PALD1: variants seen among roughly 807,000 people sequenced by gnomAD.
PALD1 encodes the protein paladin.
In PALD1, 57 loss-of-function variants were observed where a neutral mutation model predicts 96.0. The ratio of observed to expected loss-of-function variants is 0.59; its 90% confidence interval spans 0.48 to 0.74. The LOEUF (loss-of-function observed/expected upper bound fraction) is 0.74. PALD1 is among the 30% of genes least tolerant of loss of function. The pLI, the probability that PALD1 is intolerant of heterozygous loss-of-function variation, is 0.00. For missense variants in PALD1, 1,063 were observed against 1,143.7 expected, an observed-to-expected ratio of 0.93 and a Z score of 1.02; for synonymous variants, 464 against 473.6, an observed-to-expected ratio of 0.98 and a Z score of 0.26.
At chr10:70,493,322 A>G (rs1846129823) in intron 1 of PALD1, among the ~76,000 whole-genome samples, 1 of 152,202 alleles carries the variant, frequency 6.6e-6, no homozygotes, top group South Asian at 2.1e-4. Context: ...TTACTGTAGA[A>G]CTGTTCCTTA....
the PALD1 span, among the ~76,000 whole-genome samples, chr10:70,465,266 A>C: frequency 1.1e-4 from 16 of 151,908 alleles, no homozygotes; most frequent in African/African-American, 3.9e-4. Flanking sequence ...GAGCCACCGC[A>C]CCCGGCCTCT....
chr10:70,474,377 A>G (rs1015001535), upstream of PALD1, among the ~76,000 whole-genome samples: 64 of 152,104 alleles, frequency 4.2e-4, no homozygotes, highest in African/African-American at 1.5e-3. Context: ...ACTGGCCAAC[A>G]TGGTTAAACC....
At position 70,557,467 on chromosome 10, in the gene PALD1, C is replaced by T. The variant is rs568701487; in HGVS notation, c.2263-6897C>T. On this transcript the variant is annotated intron_variant, in intron 18 of 19. Transcript: ENST00000263563. ...TCACAGCATGCAGAGTGGCCCACGG[C>T]ACCAGGTCAAGTCCCTTCACACTTT... Among the ~76,000 whole-genome samples, 4 of 152,342 alleles carry T rather than the reference C, an allele frequency of 2.6e-5. No individual in the cohort carries two copies. In the South Asian group the frequency reaches 6.2e-4, roughly 24 times the overall value.
At chr10:70,496,527 G>GT (rs1381270964) in intron 1 of PALD1, among the ~76,000 whole-genome samples, 1 of 152,196 alleles carries the variant, frequency 6.6e-6, no homozygotes, top group East Asian at 1.9e-4. Flanking sequence ...AGTATGAGCT[G>GT]TTTTTATCTG....
At chr10:70,554,129 T>A (rs1847541615) in intron 18 of PALD1, among the ~76,000 whole-genome samples, 1 of 152,174 alleles carries the variant, frequency 6.6e-6, no homozygotes, top group Admixed American at 6.5e-5. Context: ...GCTTGGGGCA[T>A]TTTAAGAACT....
At chr10:70,521,883 C>A (rs1846743754) in intron 1 of PALD1, among the ~76,000 whole-genome samples, 1 of 151,746 alleles carries the variant, frequency 6.6e-6, no homozygotes, top group Non-Finnish European at 1.5e-5. Context: ...CCCATGGACT[C>A]CTTCTCAGAA....
At chr10:70,497,823 C>T (rs895756214) in intron 1 of PALD1, among the ~76,000 whole-genome samples, 1 of 152,290 alleles carries the variant, frequency 6.6e-6, no homozygotes, top group Non-Finnish European at 1.5e-5. Context: ...GATCTGCCCG[C>T]CTTGGCCTCC....
chr10:70,493,289 T>G (rs1238542731), intron 1 of PALD1, among the ~76,000 whole-genome samples: 1 of 152,244 alleles, frequency 6.6e-6, no homozygotes, highest in Non-Finnish European at 1.5e-5. Flanking sequence ...ATAGCCTGTT[T>G]CTGGCACATA....
chr10:70,539,527 C>G lies in PALD1; in HGVS notation c.1726-53C>G. On this transcript the variant is annotated intron_variant, in intron 14 of 19. Transcript: ENST00000263563. The surrounding 1 kb of genome is among the most constrained non-coding windows in gnomAD (Gnocchi z 4.5). ...CATGGCAGGCTGTGGCCTTTCAGGG[C>G]TAGCCTAGAGCCTGCCCCAGTGGCC... 1 of 1,485,680 alleles carries G rather than the reference C, an allele frequency of 6.7e-7. No individual in the cohort carries two copies. The highest frequency in any genetic ancestry group is 2.2e-5 in the Admixed American group (1 of 45,642). 92.0% of individuals were successfully genotyped at this position (1,485,680 alleles called of 1,614,324 possible). A position where few individuals can be genotyped will look rare whatever the true frequency, so the allele number is the denominator to read the frequency against.
rs769268746 is a variant in PALD1 at position 70,539,780 on chromosome 10, G to GCT, written c.1908+19_1908+20dup. ...GAGAGGAGGTGAGGGTGCTGCTCAG[G>GCT]CTGAGGCCTCTGGGGAGGGACAGGA... On this transcript the variant is annotated intron_variant, in intron 15 of 19. Transcript: ENST00000263563. The surrounding 1 kb of genome is among the most constrained non-coding windows in gnomAD (Gnocchi z 4.5). 1.9e-6 allele frequency: 3 copies of GCT among 1,598,546 alleles called. No individual in the cohort carries two copies. Among genetic ancestry groups the GCT allele is most frequent in the East Asian group, 4.5e-5 (2 of 44,310 alleles).
chr10:70,487,130 A>ATTTTTTT (rs10669002), intron 1 of PALD1, among the ~76,000 whole-genome samples: 6 of 110,424 alleles, frequency 5.4e-5, no homozygotes, highest in Admixed American at 1.1e-4. Flanking sequence ...TCTGAGCCCA[A>ATTTTTTT]TTTTTTTTTT....
chr10:70,497,070 G>A (rs1846206812), intron 1 of PALD1, among the ~76,000 whole-genome samples: 1 of 152,148 alleles, frequency 6.6e-6, no homozygotes, highest in East Asian at 1.9e-4. Flanking sequence ...TGCCTTCCTC[G>A]CCCACCTCCT....
chr10:70,559,027 G>A (rs1157996129), intron 18 of PALD1, among the ~76,000 whole-genome samples: 2 of 152,146 alleles, frequency 1.3e-5, no homozygotes, highest in Non-Finnish European at 1.5e-5. Context: ...TAGGAGGGCC[G>A]TGTCCCTGGA....
intron 10 of PALD1, 60 bp downstream of exon 10, chr10:70,534,903 C>A: frequency 3.6e-6 from 4 of 1,110,474 alleles, no homozygotes; most frequent in Non-Finnish European, 5.4e-6. Context: ...AGCCTGATTT[C>A]ATTAGGCATG....
rs1022510891 is a variant in PALD1, at chr10:70,541,493, G to C, written c.2080G>C (p.Val694Leu). Residue 694 changes from valine to leucine, a missense_variant, in exon 17 of 20, where the codon GTG (valine) becomes CTG (leucine). Physicochemically the swap from Val to Leu is conservative, Grantham distance 32. Transcript: ENST00000263563. ...GFPEVGEEEL[V>L]SVPDAKFTKG... ...CCCCGAGGTGGGTGAGGAGGAGCTC[G>C]TGAGTGTGCCTGATGCCAAGTTCAC... 3.1e-6 allele frequency: 5 copies of C among 1,613,768 alleles called. No homozygotes were observed. The highest frequency in any genetic ancestry group is 1.3e-5 in the African/African-American group (1 of 74,862).
At chr10:70,474,397 C>A (rs770361203), upstream of PALD1, among the ~76,000 whole-genome samples, 1 of 152,042 alleles carries the variant, frequency 6.6e-6, no homozygotes, top group Non-Finnish European at 1.5e-5. Context: ...CCTGTCTCTA[C>A]TAAAAATACA....
At chr10:70,508,138 C>T (rs1846431047) in intron 1 of PALD1, among the ~76,000 whole-genome samples, 1 of 152,212 alleles carries the variant, frequency 6.6e-6, no homozygotes, top group African/African-American at 2.4e-5. Context: ...ACAGCAGCAT[C>T]TTTTCTGTCG....
At chr10:70,551,281 C>T (rs1169882213) in intron 18 of PALD1, among the ~76,000 whole-genome samples, 1 of 149,452 alleles carries the variant, frequency 6.7e-6, no homozygotes, top group Non-Finnish European at 1.5e-5. Flanking sequence ...TTTATTTAAA[C>T]TTCTGCCCTC....
At chr10:70,498,329 G>A (rs1213469729) in intron 1 of PALD1, among the ~76,000 whole-genome samples, 1 of 152,104 alleles carries the variant, frequency 6.6e-6, no homozygotes, top group East Asian at 1.9e-4. Flanking sequence ...GAGCTAGAGC[G>A]AGCACAGTGG....
Sources: gnomAD v4.1 joint callset for allele counts (sites outside exome capture counted in the v4.1 genomes callset) on GRCh38, gnomAD v4.1.1 for gene constraint, Gnocchi (gnomAD v3.1) non-coding constraint, MANE v1.5 for transcripts, NCBI Gene and HGNC (gene_info 2026-07-23, HGNC 2026-07-21) for gene names.